Variants in ZC3H12B observed in about 807,000 individuals in gnomAD.
ZC3H12B encodes probable ribonuclease ZC3H12B.
A neutral mutation model predicts 43.9 loss-of-function variants in ZC3H12B; 7 were observed. The observed-to-expected ratio is 0.16, with a 90% CI of 0.09 to 0.30. ZC3H12B has a LOEUF of 0.30. ZC3H12B is among the 10% of genes least tolerant of loss of function. The pLI, the probability that ZC3H12B is intolerant of heterozygous loss-of-function variation, is 1.00. For missense variants in ZC3H12B, 475 were observed against 670.2 expected (o/e 0.71, Z 3.22); for synonymous variants, 222 against 241.7 (o/e 0.92, Z 0.76).
the ZC3H12B span, among the ~76,000 whole-genome samples, chrX:65,145,907 C>T: frequency 1.8e-5 from 2 of 111,053 alleles, no homozygotes; most frequent in African/African-American, 3.3e-5. Flanking sequence ...TGTCCCATAG[C>T]TCTTAGGATT....
exon 5 of ZC3H12B, chrX:65,502,797 G>C (rs1232803365): frequency 8.3e-7 from 1 of 1,208,544 alleles, no homozygotes; most frequent in Non-Finnish European, 1.1e-6. Context: ...GTGATGACTC[G>C]GATGGATAGC....
chrX:65,279,523 A>T, the ZC3H12B span, among the ~76,000 whole-genome samples: 1 of 111,259 alleles, frequency 9.0e-6, no homozygotes, highest in African/African-American at 3.3e-5. Context: ...CCATATGCAG[A>T]AGATTTAAGC....
the ZC3H12B span, among the ~76,000 whole-genome samples, chrX:65,231,379 AG>A: frequency 1.8e-5 from 2 of 111,455 alleles, no homozygotes; most frequent in Non-Finnish European, 3.8e-5. Context: ...AACAGGAAAC[AG>A]GGTTCGAGAG....
the ZC3H12B span, among the ~76,000 whole-genome samples, chrX:65,321,635 A>T: frequency 9.1e-6 from 1 of 110,326 alleles, no homozygotes; most frequent in African/African-American, 3.3e-5. Context: ...AATAGCAGAG[A>T]CGTGGAATCA....
chrX:65,277,473 C>T, the ZC3H12B span, among the ~76,000 whole-genome samples: 2 of 111,182 alleles, frequency 1.8e-5, no homozygotes, highest in Non-Finnish European at 3.8e-5. Context: ...AGGACAGAGA[C>T]AAGTTTCAAA....
upstream of ZC3H12B, among the ~76,000 whole-genome samples, chrX:65,365,037 C>T (rs987558906): frequency 1.8e-5 from 2 of 111,481 alleles, no homozygotes; most frequent in African/African-American, 6.5e-5. Context: ...TTTGGCCTTC[C>T]TACCTCTATA....
chrX:65,059,219 A>ACCCCCCCCCCCC, the ZC3H12B span, among the ~76,000 whole-genome samples: 2 of 38,473 alleles, frequency 5.2e-5, no homozygotes, highest in Admixed American at 7.2e-4. Context: ...TCTTGGAACC[A>ACCCCCCCCCCCC]CCCCCCCCCC....
At chrX:65,175,649 G>T in the ZC3H12B span, among the ~76,000 whole-genome samples, 11 of 111,769 alleles carry the variant, frequency 9.8e-5, no homozygotes, top group Non-Finnish European at 1.9e-5. Flanking sequence ...TGCAGAAGGT[G>T]GGTGATTTTT....
At chrX:65,190,923 T>G in the ZC3H12B span, among the ~76,000 whole-genome samples, 1 of 103,273 alleles carries the variant, frequency 9.7e-6, no homozygotes, top group Non-Finnish European at 1.9e-5. Flanking sequence ...CAGTATGATA[T>G]TGGCTGTGGG....
exon 5 of ZC3H12B, chrX:65,507,482 A>G (rs2068437539): frequency 8.9e-6 from 1 of 112,629 alleles, no homozygotes; most frequent in African/African-American, 3.2e-5. Flanking sequence ...ATTGTATGGT[A>G]GCTAGCTATA....
At chrX:65,454,214 A>AG (rs976568698) in intron 3 of ZC3H12B, among the ~76,000 whole-genome samples, 5 of 112,730 alleles carry the variant, frequency 4.4e-5, no homozygotes, top group African/African-American at 1.3e-4. Flanking sequence ...GGGAAGCACA[A>AG]GGGGTCAGGG....
At chrX:65,203,709 G>A in the ZC3H12B span, among the ~76,000 whole-genome samples, 1 of 111,361 alleles carries the variant, frequency 9.0e-6, no homozygotes, top group Non-Finnish European at 1.9e-5. Context: ...CGGGATTGGT[G>A]TGGCAAGCAC....
intron 2 of ZC3H12B, among the ~76,000 whole-genome samples, chrX:65,369,230 C>A (rs941782916): frequency 9.0e-6 from 1 of 111,432 alleles, no homozygotes; most frequent in African/African-American, 3.3e-5. Context: ...AACAGGAAAT[C>A]ATCATAGGAA....
chrX:65,350,632 C>A, the ZC3H12B span, among the ~76,000 whole-genome samples: 1 of 112,165 alleles, frequency 8.9e-6, no homozygotes, highest in African/African-American at 3.2e-5. Flanking sequence ...AGCAAAGTCT[C>A]AGGATACAAA....
intron 3 of ZC3H12B, among the ~76,000 whole-genome samples, chrX:65,458,525 C>T (rs148138519): frequency 8.9e-6 from 1 of 112,068 alleles, no homozygotes; most frequent in East Asian, 2.8e-4. Context: ...GACCACAGTG[C>T]AATCAAACTA....
chrX:65,437,518 A>G (rs2067235930), intron 3 of ZC3H12B, among the ~76,000 whole-genome samples: 1 of 112,277 alleles, frequency 8.9e-6, no homozygotes, highest in Non-Finnish European at 1.9e-5. Flanking sequence ...ACATTTTCAT[A>G]TGTCTGTTTG....
At chrX:65,264,967 G>A in the ZC3H12B span, among the ~76,000 whole-genome samples, 2 of 111,647 alleles carry the variant, frequency 1.8e-5, no homozygotes, top group Non-Finnish European at 3.8e-5. Flanking sequence ...CTGCGATTTA[G>A]GGAGGAGAAA....
chrX:65,231,110 G>T, the ZC3H12B span, among the ~76,000 whole-genome samples: 1 of 111,099 alleles, frequency 9.0e-6, no homozygotes, highest in Admixed American at 9.6e-5. Flanking sequence ...TTTTACAACT[G>T]GGCCTCCGGA....
the ZC3H12B span, among the ~76,000 whole-genome samples, chrX:65,140,215 T>A: frequency 9.0e-6 from 1 of 111,623 alleles, no homozygotes; most frequent in Non-Finnish European, 1.9e-5. Context: ...GAGTAGAGTA[T>A]GATGTTAGCT....
Sources: gnomAD v4.1 joint callset for allele counts (sites outside exome capture counted in the v4.1 genomes callset) on GRCh38, gnomAD v4.1.1 for gene constraint, MANE v1.5 for transcripts, NCBI Gene and HGNC (gene_info 2026-07-23, HGNC 2026-07-21) for gene names.